The following IL1RAPL2 variants were observed in gnomAD, a reference collection of about 807,000 sequenced individuals.
The protein encoded by IL1RAPL2 is X-linked interleukin-1 receptor accessory protein-like 2.
IL1RAPL2 carries 3 observed loss-of-function variants against 44.1 expected under a neutral mutation model. The ratio of observed to expected loss-of-function variants is 0.07; its 90% CI spans 0.03 to 0.18. The LOEUF is 0.18. Among genes scored for constraint, IL1RAPL2 ranks in the 10% least tolerant of loss-of-function variants. IL1RAPL2 has a pLI of 1.00. For missense variants in IL1RAPL2, 391 were observed against 496.4 expected (o/e 0.79, Z 2.02); for synonymous variants, 181 against 178.8 (o/e 1.01, Z -0.10).
chrX:105,407,000 T>G, intron 5 of IL1RAPL2: 1 of 1,079,509 alleles, frequency 9.3e-7, no homozygotes, highest in Non-Finnish European at 1.3e-6. Context: ...GGAGCTGTGT[T>G]TGAAGAGATG....
intron 6 of IL1RAPL2, among the ~76,000 whole-genome samples, chrX:105,535,213 A>C (rs944072669): frequency 8.9e-6 from 1 of 112,071 alleles, no homozygotes; most frequent in African/African-American, 3.2e-5. Flanking sequence ...TGTTCACTAT[A>C]ATTAGCCATC....
chrX:105,047,037 C>T (rs931898345), intron 2 of IL1RAPL2, among the ~76,000 whole-genome samples: 1 of 110,590 alleles, frequency 9.0e-6, no homozygotes, highest in African/African-American at 3.3e-5. Flanking sequence ...GAAAGCATCC[C>T]ATATCCACAC....
At chrX:105,584,910 T>C (rs2037115986) in intron 6 of IL1RAPL2, among the ~76,000 whole-genome samples, 1 of 111,243 alleles carries the variant, frequency 9.0e-6, no homozygotes, top group African/African-American at 3.3e-5. Flanking sequence ...TATAGCATTT[T>C]TTATATCATC....
chrX:105,384,968 A>G (rs1185497697), intron 5 of IL1RAPL2, among the ~76,000 whole-genome samples: 1 of 111,413 alleles, frequency 9.0e-6, no homozygotes, highest in Admixed American at 9.6e-5. Flanking sequence ...CCACAACTTT[A>G]CTGAATTTGT....
chrX:105,019,212 G>A (rs2031240531), intron 2 of IL1RAPL2, among the ~76,000 whole-genome samples: 1 of 111,820 alleles, frequency 8.9e-6, no homozygotes, highest in Admixed American at 9.5e-5. Context: ...GTATTCTTTA[G>A]TAGCATGTTT....
rs745955063 is a variant in IL1RAPL2, at chrX:104,993,409, G to C, written c.83-202066G>C. Among the ~76,000 whole-genome samples, 3 of 111,813 alleles carry C rather than the reference G, an allele frequency of 2.7e-5. No individual in the cohort carries two copies. In the South Asian group the frequency reaches 1.1e-3, roughly 41 times the overall value. On this transcript the variant is annotated intron_variant, in intron 2 of 10. Transcript: ENST00000372582. ...TTATTTAACAAGGAAGTACAATGTT[G>C]CTGAAGACAAAGCTAGTTTGAAGAG...
At chrX:105,138,521 G>A (rs371998511) in intron 2 of IL1RAPL2, among the ~76,000 whole-genome samples, 2 of 102,369 alleles carry the variant, frequency 2.0e-5, no homozygotes, top group Admixed American at 2.1e-4. Context: ...ACCAAAAAGA[G>A]AGGTAAAGGC....
rs1195825388 is a variant in IL1RAPL2, at chrX:105,541,774, C to T, written c.772+57387C>T. 2.7e-5 allele frequency among the ~76,000 whole-genome samples: 3 copies of T among 110,776 alleles called. No homozygotes were observed. The East Asian group carries it at 8.5e-4, about 32-fold the overall frequency. On this transcript the variant is annotated intron_variant, in intron 6 of 10. Transcript: ENST00000372582. ...TCCCTTCTCTCAACCTTTTTCTACA[C>T]CAGCTTAATCTTTCTAAAGCACAGC... is the stretch of plus-strand genomic sequence containing the variant.
intron 2 of IL1RAPL2, among the ~76,000 whole-genome samples, chrX:104,948,696 T>C (rs369354008): frequency 1.2e-4 from 13 of 110,921 alleles, no homozygotes; most frequent in African/African-American, 3.3e-4. Context: ...TTGTCTTTGG[T>C]TCTGTTTATA....
chrX:105,240,396 C>A (rs1416742800), intron 4 of IL1RAPL2, among the ~76,000 whole-genome samples: 1 of 112,562 alleles, frequency 8.9e-6, no homozygotes, highest in Non-Finnish European at 1.9e-5. Context: ...GATAATCTGG[C>A]AAAGTGTCTT....
chrX:105,449,550 C>G (rs2036002875), intron 5 of IL1RAPL2, among the ~76,000 whole-genome samples: 1 of 107,241 alleles, frequency 9.3e-6, no homozygotes, highest in Non-Finnish European at 1.9e-5. Context: ...CGCCACTGCA[C>G]TCCAGCCTGG....
At chrX:105,448,829 A>C (rs1283431837) in intron 5 of IL1RAPL2, among the ~76,000 whole-genome samples, 2 of 110,907 alleles carry the variant, frequency 1.8e-5, no homozygotes, top group Non-Finnish European at 3.8e-5. Context: ...CTGCTATTAA[A>C]AGATTCTGAT....
At chrX:105,676,554 A>G (rs1248995979) in intron 6 of IL1RAPL2, among the ~76,000 whole-genome samples, 1 of 111,608 alleles carries the variant, frequency 9.0e-6, no homozygotes, top group Non-Finnish European at 1.9e-5. Flanking sequence ...ATAATGTAGG[A>G]AAAAGGTATT....
intron 2 of IL1RAPL2, among the ~76,000 whole-genome samples, chrX:105,089,732 C>T (rs374322530): frequency 1.8e-5 from 2 of 111,604 alleles, no homozygotes; most frequent in East Asian, 5.7e-4. Flanking sequence ...ATTTTACATC[C>T]AGTACTTCAT....
chrX:105,301,436 A>T (rs2034696858), intron 5 of IL1RAPL2, among the ~76,000 whole-genome samples: 1 of 111,032 alleles, frequency 9.0e-6, no homozygotes, highest in Non-Finnish European at 1.9e-5. Flanking sequence ...TTGTTATTTT[A>T]AAATGTAAAA....
chrX:104,763,366 A>T (rs780499194), intron 2 of IL1RAPL2, among the ~76,000 whole-genome samples: 1 of 112,127 alleles, frequency 8.9e-6, no homozygotes, highest in South Asian at 3.7e-4. Flanking sequence ...AAACTTTCCC[A>T]CATCTGTTTT....
chrX:105,627,867 GCTTT>G (rs1339056552), intron 6 of IL1RAPL2, among the ~76,000 whole-genome samples: 1 of 112,060 alleles, frequency 8.9e-6, no homozygotes, highest in Non-Finnish European at 1.9e-5. Context: ...CACAAAGTCA[GCTTT>G]CTTTGGCCAT....
intron 5 of IL1RAPL2, among the ~76,000 whole-genome samples, chrX:105,321,480 A>G (rs5916894): frequency 8.9e-6 from 1 of 112,351 alleles, no homozygotes; most frequent in Non-Finnish European, 1.9e-5. Flanking sequence ...TTCAAAAATT[A>G]TTAGAAATGT....
intron 2 of IL1RAPL2, among the ~76,000 whole-genome samples, chrX:105,075,989 A>T (rs879169098): frequency 2.7e-5 from 3 of 111,166 alleles, no homozygotes; most frequent in East Asian, 5.6e-4. Flanking sequence ...TTTTCAAAAA[A>T]CCAGCTCCTG....
Sources: allele counts gnomAD v4.1 joint callset (sites outside exome capture counted in the v4.1 genomes callset), GRCh38; gene constraint gnomAD v4.1.1; transcripts MANE v1.5; gene names NCBI Gene and HGNC (gene_info 2026-07-23, HGNC 2026-07-21).